TAOK3: variants seen among roughly 807,000 people sequenced by gnomAD.
TAOK3 encodes the protein serine/threonine-protein kinase TAO3.
TAOK3 carries 40 observed loss-of-function variants against 120.4 expected under a neutral mutation model. The ratio of observed to expected loss-of-function variants is 0.33; its 90% CI spans 0.26 to 0.43. TAOK3 has a LOEUF of 0.43. Ranked by LOEUF, TAOK3 falls within the 20% of genes least tolerant of loss-of-function variation. The probability of loss-of-function intolerance (pLI) is 1.00; values close to 1 mark genes in which losing one functional copy is unlikely to be tolerated. For missense variants in TAOK3, 821 were observed against 1,112.1 expected (o/e 0.74, Z 3.72); for synonymous variants, 355 against 387.5 (o/e 0.92, Z 0.99).
intron 1 of TAOK3, among the ~76,000 whole-genome samples, chr12:118,303,181 A>G (rs2042936941): frequency 6.6e-6 from 1 of 152,134 alleles, no homozygotes; most frequent in Non-Finnish European, 1.5e-5. Context: ...TAAAAGATGT[A>G]TTATAAGCCC....
rs1474142532 is a variant in TAOK3 at position 118,168,986 on chromosome 12, TTCCTTCCTTCCTTCCTTTC to T, written c.1899+3452_1899+3470del. On this transcript the variant is annotated intron_variant, in intron 17 of 20. Coordinates refer to ENST00000392533, the MANE Select transcript of TAOK3 (RefSeq NM_016281.4). Reference sequence around the variant, plus strand: ...CTTCCTTCCTTCCTTCCTTCCTTCCTTCCTTCCTTCCTTCCTTTCTTTCTTTCTTTCTTTCTATTTTTTT... The same window carrying T: ...CTTCCTTCCTTCCTTCCTTCCTTCCTTTTCTTTCTTTCTTTCTATTTTTTT... 5.7e-3 allele frequency among the ~76,000 whole-genome samples: 774 copies of T among 134,862 alleles called. 9 individuals are homozygous for T. Among genetic ancestry groups the T allele is most frequent in the African/African-American group, 0.019 (743 of 39,798 alleles). 88.5% of individuals were successfully genotyped at this position (134,862 alleles called of 152,430 possible).
intron 3 of TAOK3, chr12:118,246,479 C>T: frequency 6.5e-7 from 1 of 1,550,102 alleles, no homozygotes; most frequent in Non-Finnish European, 8.8e-7. Context: ...CTATCGGGGA[C>T]TACAATGGCC....
At chr12:118,359,242 T>C (rs984385121) in intron 1 of TAOK3, 2 of 152,174 alleles carry the variant, frequency 1.3e-5, no homozygotes, top group Non-Finnish European at 2.9e-5. Context: ...GAAAGAACTC[T>C]CTAAAAATTT....
chr12:118,161,498 A>T lies in TAOK3; in HGVS notation c.2139+290T>A, dbSNP rs1477880435. ...GGGATTAAAACCATAAACTGCTATT[A>T]GTCCAGTTTTGAAGATGGCAGGTCA... On this transcript the variant is annotated intron_variant, in intron 18 of 20. Coordinates refer to ENST00000392533, the MANE Select transcript of TAOK3 (RefSeq NM_016281.4). The surrounding 1 kb of genome is among the most constrained non-coding windows in gnomAD (Gnocchi z 4.5). Among the ~76,000 whole-genome samples the T allele has an allele frequency of 6.6e-6, 1 of 152,268 alleles. No homozygotes were observed. Among genetic ancestry groups the T allele is most frequent in the Non-Finnish European group, 1.5e-5 (1 of 68,046 alleles).
intron 1 of TAOK3, among the ~76,000 whole-genome samples, chr12:118,277,020 T>C (rs887476346): frequency 4.6e-5 from 7 of 152,180 alleles, no homozygotes; most frequent in African/African-American, 1.7e-4. Context: ...CAAACAAAAC[T>C]GTAATAAACC....
rs376256191 is a variant in TAOK3 at position 118,180,213 on chromosome 12, G to A, written c.1566+1158C>T. Among the ~76,000 whole-genome samples, 12 of 151,156 alleles carry A rather than the reference G, an allele frequency of 7.9e-5. No individual in the cohort carries two copies. The East Asian group carries it at 1.9e-3, about 25-fold the overall frequency. Reference sequence around the variant, plus strand: ...TCCACCCACCTCGGCCTCCCAAAGTGCTGGGATTGCAGGCGTGAGCCACTG... The same window carrying A: ...TCCACCCACCTCGGCCTCCCAAAGTACTGGGATTGCAGGCGTGAGCCACTG... On this transcript the variant is annotated intron_variant, in intron 15 of 20. Transcript: ENST00000392533.
At chr12:118,320,101 CAA>C (rs1280927177) in intron 1 of TAOK3, among the ~76,000 whole-genome samples, 2 of 152,060 alleles carry the variant, frequency 1.3e-5, no homozygotes, top group African/African-American at 4.8e-5. Context: ...CAAAAAAGGA[CAA>C]ATATTATATG....
intron 11 of TAOK3, among the ~76,000 whole-genome samples, chr12:118,202,357 C>G (rs1312452562): frequency 6.6e-6 from 1 of 151,932 alleles, no homozygotes; most frequent in East Asian, 1.9e-4. Context: ...GAGGTGCTGA[C>G]TTCATTTTCT....
At chr12:118,231,792 G>A (rs1464159026) in intron 9 of TAOK3, among the ~76,000 whole-genome samples, 1 of 151,738 alleles carries the variant, frequency 6.6e-6, no homozygotes, top group African/African-American at 2.4e-5. Flanking sequence ...GCGTGGTGGT[G>A]CATGCCTGTA....
intron 16 of TAOK3, 57 bp from the exon 17 acceptor site, chr12:118,172,717 G>T: frequency 7.0e-7 from 1 of 1,427,322 alleles, no homozygotes; most frequent in Non-Finnish European, 9.9e-7. Context: ...GACTGTAACA[G>T]CTTATTGCAA....
intron 10 of TAOK3, among the ~76,000 whole-genome samples, chr12:118,213,653 A>G (rs749905806): frequency 6.6e-6 from 1 of 152,124 alleles, no homozygotes; most frequent in South Asian, 2.1e-4. Flanking sequence ...AGAAATAATG[A>G]CATCATAGAG....
At chr12:118,270,549 C>T (rs2041652447) in intron 1 of TAOK3, among the ~76,000 whole-genome samples, 1 of 152,030 alleles carries the variant, frequency 6.6e-6, no homozygotes, top group South Asian at 2.1e-4. Context: ...AAATAAATTC[C>T]ATTCAGTTAC....
At chr12:118,344,232 A>G (rs886145317) in intron 1 of TAOK3, among the ~76,000 whole-genome samples, 3 of 149,240 alleles carry the variant, frequency 2.0e-5, no homozygotes, top group African/African-American at 7.5e-5. Flanking sequence ...TTCCTGATTT[A>G]CCAAAATACA....
intron 11 of TAOK3, among the ~76,000 whole-genome samples, chr12:118,207,953 T>C (rs187629493): frequency 6.6e-6 from 1 of 152,202 alleles, no homozygotes; most frequent in East Asian, 1.9e-4. Flanking sequence ...CCAAAAGAGT[T>C]ATCTGTTCCT....
rs192844027 is a variant in TAOK3 at position 118,220,551 on chromosome 12, A to T, written c.644-6441T>A. Among the ~76,000 whole-genome samples, 555 of 152,172 alleles carry T rather than the reference A, an allele frequency of 3.6e-3. 2 individuals carry two copies. The highest frequency in any genetic ancestry group is 6.0e-3 in the Non-Finnish European group (411 of 67,994). ...TACTGGCAAAAGGTTAAAAAAAAAC[A>T]ATCCCAGCTTCTCAGAACACTGAAT... On this transcript the variant is annotated intron_variant, in intron 9 of 20. Coordinates refer to ENST00000392533, the MANE Select transcript of TAOK3 (RefSeq NM_016281.4).
At position 118,361,446 on chromosome 12, in the gene TAOK3, C is replaced by T. The variant is rs963297565; in HGVS notation, c.-194+11202G>A. On this transcript the variant is annotated intron_variant, in intron 1 of 20. Transcript: ENST00000392533. ...ACTCTTCCAAACTATCATTTACTTC[C>T]TTAGGATTTTTTTTTCTTTTTTTTT... Among the ~76,000 whole-genome samples the T allele has an allele frequency of 3.3e-5, 5 of 151,612 alleles. No individual in the cohort carries two copies. The East Asian group carries it at 9.6e-4, about 29-fold the overall frequency.
intron 1 of TAOK3, among the ~76,000 whole-genome samples, chr12:118,268,722 G>T (rs895977989): frequency 1.3e-5 from 2 of 152,106 alleles, no homozygotes; most frequent in East Asian, 3.9e-4. Flanking sequence ...TAAGAAAGTA[G>T]TTTCAGCTAG....
chr12:118,355,970 AACAT>A (rs2045373210), intron 1 of TAOK3, among the ~76,000 whole-genome samples: 1 of 152,188 alleles, frequency 6.6e-6, no homozygotes, highest in African/African-American at 2.4e-5. Context: ...ACTCTTATTA[AACAT>A]TAAACTATCC....
At chr12:118,248,872 A>C (rs569997137) in intron 3 of TAOK3, among the ~76,000 whole-genome samples, 35 of 152,170 alleles carry the variant, frequency 2.3e-4, no homozygotes, top group Non-Finnish European at 4.9e-4. Context: ...AAACATTTCC[A>C]TGTTGATTAT....
Sources: allele counts gnomAD v4.1 joint callset (sites outside exome capture counted in the v4.1 genomes callset), GRCh38; gene constraint gnomAD v4.1.1; non-coding constraint Gnocchi (gnomAD v3.1); transcripts MANE v1.5; gene names NCBI Gene and HGNC (gene_info 2026-07-23, HGNC 2026-07-21).